Variants in CEBPZOS observed in about 807,000 individuals in gnomAD.
The protein encoded by CEBPZOS is CEBPZ opposite strand, also known as protein CEBPZOS.
A neutral mutation model predicts 4.8 loss-of-function variants in CEBPZOS; 10 were observed. The ratio of observed to expected loss-of-function variants is 2.07; its 90% CI spans 1.28 to 3.52. CEBPZOS has a LOEUF of 3.52. Among genes scored for constraint, CEBPZOS ranks in the 30% most tolerant of loss-of-function variants. CEBPZOS has a pLI of 0.00. For missense variants in CEBPZOS, 98 were observed against 43.6 expected (o/e 2.25, Z -3.51); for synonymous variants, 25 against 14.2 (o/e 1.77, Z -1.72).
chr2:37,205,984 C>T (rs1677526439), downstream of CEBPZOS, among the ~76,000 whole-genome samples: 2 of 152,152 alleles, frequency 1.3e-5, no homozygotes, highest in East Asian at 1.9e-4. Context: ...CTGAAAAATG[C>T]AAGGCTTTTA....
chr2:37,209,417 A>C (rs1387232714), downstream of CEBPZOS: 1 of 152,232 alleles, frequency 6.6e-6, no homozygotes, highest in Non-Finnish European at 1.5e-5. Flanking sequence ...TTGTTACCAA[A>C]ATAGCATGGT....
At chr2:37,212,279 G>A in intron 4 of CEBPZOS, 1 of 1,484,634 alleles carries the variant, frequency 6.7e-7, no homozygotes, top group Non-Finnish European at 9.4e-7. Context: ...TGTTCTGAGG[G>A]ACAACAATTT....
chr2:37,215,951 TA>T (rs201108820), downstream of CEBPZOS, among the ~76,000 whole-genome samples: 13,841 of 111,404 alleles, frequency 0.12, 645 homozygotes, highest in Middle Eastern at 0.18. Context: ...GTAATAAAGT[TA>T]AAAAAAAAAA....
chr2:37,202,636 C>G lies in CEBPZOS; in HGVS notation c.*776C>G, dbSNP rs146531594. 608 of 389,212 alleles carry G rather than the reference C, an allele frequency of 1.6e-3. 4 individuals are homozygous for G. In the East Asian group the frequency reaches 0.024, roughly 15 times the overall value. The allele number at this position is 389,212 out of a possible 1,614,324, so 24.1% of individuals were successfully genotyped here. On this transcript the variant is annotated 3_prime_UTR_variant, in exon 5 of 5. Transcript: ENST00000402297. ...TTCCAACCTGGGCAAGGGAGTGAGACGCTGTCTCAAAAAAAAAAAAAAAAA... is the reference window on the plus strand; with the variant it reads ...TTCCAACCTGGGCAAGGGAGTGAGAGGCTGTCTCAAAAAAAAAAAAAAAAA...
chr2:37,209,725 T>C (rs914653754), downstream of CEBPZOS: 1 of 152,130 alleles, frequency 6.6e-6, no homozygotes, highest in Non-Finnish European at 1.5e-5. Flanking sequence ...AGACATTGGC[T>C]TAAGTAGAGT....
chr2:37,205,544 T>A (rs1174205455), downstream of CEBPZOS, among the ~76,000 whole-genome samples: 6 of 152,214 alleles, frequency 3.9e-5, no homozygotes. Flanking sequence ...GACTCTCTTT[T>A]CGGACTCAGC....
downstream of CEBPZOS, chr2:37,215,067 G>A: frequency 5.5e-6 from 4 of 720,984 alleles, no homozygotes; most frequent in Non-Finnish European, 4.8e-6. Context: ...AGAATTGTGT[G>A]GGAAGGTAGA....
At chr2:37,198,962 T>G (rs1385843156) in intron 1 of CEBPZOS, among the ~76,000 whole-genome samples, 2 of 151,900 alleles carry the variant, frequency 1.3e-5, no homozygotes, top group African/African-American at 2.4e-5. Flanking sequence ...GAGACCAATC[T>G]GGGCAACATG....
downstream of CEBPZOS, chr2:37,209,740 G>A (rs1677659907): frequency 6.6e-6 from 1 of 152,126 alleles, no homozygotes; most frequent in Non-Finnish European, 1.5e-5. Context: ...TAGAGTTCAT[G>A]ACCAAGAACC....
chr2:37,197,259 T>G (rs568640865), intron 1 of CEBPZOS: 21 of 152,266 alleles, frequency 1.4e-4, no homozygotes, highest in Admixed American at 1.2e-3. Context: ...GACAGGTGTA[T>G]CCCTGGTGGT....
chr2:37,214,696 T>C (rs1250031690), downstream of CEBPZOS, among the ~76,000 whole-genome samples: 9 of 152,166 alleles, frequency 5.9e-5, no homozygotes, highest in African/African-American at 2.2e-4. Context: ...CTTTTCAAAA[T>C]ATGCTGATTA....
At chr2:37,214,616 A>G (rs934974676), downstream of CEBPZOS, among the ~76,000 whole-genome samples, 3 of 152,200 alleles carry the variant, frequency 2.0e-5, no homozygotes, top group Non-Finnish European at 2.9e-5. Flanking sequence ...TAGTTTTACT[A>G]AGATATATTA....
downstream of CEBPZOS, chr2:37,216,040 C>A (rs192428203): frequency 1.2e-4 from 101 of 820,810 alleles, no homozygotes; most frequent in African/African-American, 1.7e-3. Context: ...CTTTGATGCT[C>A]AGGTTTTATT....
chr2:37,212,210 T>C (rs74684752), intron 4 of CEBPZOS: 1 of 1,010,386 alleles, frequency 9.9e-7, no homozygotes, highest in African/African-American at 1.6e-5. Context: ...AAGTACTGTA[T>C]CCACTTCCCA....
chr2:37,199,670 A>C (rs1413610972), intron 1 of CEBPZOS, 34 bp from the exon 2 acceptor site: 1 of 702,288 alleles, frequency 1.4e-6, no homozygotes, highest in South Asian at 1.5e-5. Context: ...AAGTATGTTC[A>C]TTCAGGTTTA....
chr2:37,204,666 C>T lies in CEBPZOS; in HGVS notation c.*2806C>T, dbSNP rs1677467309. ...GTATGTTTATTCTTAAGGATATCTACTCTAACACCTGTAAATGTAGGGTGA... is the reference window on the plus strand; with the variant it reads ...GTATGTTTATTCTTAAGGATATCTATTCTAACACCTGTAAATGTAGGGTGA... On this transcript the variant is annotated 3_prime_UTR_variant, in exon 5 of 5. Transcript: ENST00000402297. 1 of 152,168 alleles carries T rather than the reference C, an allele frequency of 6.6e-6. No homozygotes were observed. Among genetic ancestry groups the T allele is most frequent in the African/African-American group, 2.4e-5 (1 of 41,436 alleles). The allele number at this position is 152,168 out of a possible 1,614,324, so 9.4% of individuals were successfully genotyped here. A position where few individuals can be genotyped will look rare whatever the true frequency, so the allele number is the denominator to read the frequency against.
At position 37,212,368 on chromosome 2, in the gene CEBPZOS, A is replaced by T. The variant is rs781313586; in HGVS notation, c.*3-1069A>T. The T allele has an allele frequency of 4.3e-6, 7 of 1,613,526 alleles. No homozygotes were observed. The African/African-American group carries it at 9.3e-5, about 22-fold the overall frequency. On this transcript the variant is annotated intron_variant, in intron 4 of 4. Coordinates refer to the CEBPZOS transcript ENST00000397064. The stretch of plus-strand genomic sequence containing the variant: ...ATCCATATCATCCTTTCCAGAGCTG[A>T]AACAGTTATCATCTTCAAATGTGTC...
intron 4 of CEBPZOS, chr2:37,210,665 A>G (rs1057429941): frequency 4.9e-6 from 1 of 203,616 alleles, no homozygotes; most frequent in Non-Finnish European, 1.0e-5. Context: ...CATTGGGTGC[A>G]GTGTACTGCT....
chr2:37,213,931 T>A, downstream of CEBPZOS: 1 of 1,590,042 alleles, frequency 6.3e-7, no homozygotes, highest in Non-Finnish European at 8.5e-7. Context: ...CCCGTTTTTG[T>A]TTCTCTTTAA....
Sources: gnomAD v4.1 joint callset for allele counts (sites outside exome capture counted in the v4.1 genomes callset) on GRCh38, gnomAD v4.1.1 for gene constraint, MANE v1.5 for transcripts, NCBI Gene and HGNC (gene_info 2026-07-23, HGNC 2026-07-21) for gene names.